Variants in SUCLG2 observed in about 807,000 individuals in gnomAD.
The protein encoded by SUCLG2 is succinate-CoA ligase GDP-forming subunit beta.
SUCLG2 carries 42 observed loss-of-function variants against 47.9 expected under a neutral mutation model. The observed-to-expected ratio is 0.88, with a 90% CI of 0.69 to 1.14. SUCLG2 has a LOEUF of 1.14. SUCLG2 is among the 50% of genes most tolerant of loss of function. The pLI is 0.00. For missense variants in SUCLG2, 571 were observed against 525.9 expected (o/e 1.09, Z -0.84); for synonymous variants, 195 against 197.3 (o/e 0.99, Z 0.10).
intron 9 of SUCLG2, among the ~76,000 whole-genome samples, chr3:67,491,910 G>A (rs984426066): frequency 2.0e-5 from 3 of 152,002 alleles, no homozygotes; most frequent in Non-Finnish European, 4.4e-5. Context: ...CTTTATAAAC[G>A]AGGATACCAA....
chr3:67,495,484 T>C (rs1314913751), intron 9 of SUCLG2, among the ~76,000 whole-genome samples: 1 of 151,936 alleles, frequency 6.6e-6, no homozygotes, highest in African/African-American at 2.4e-5. Flanking sequence ...AAACCCTGTC[T>C]CTATTAAAAA....
intron 7 of SUCLG2, among the ~76,000 whole-genome samples, chr3:67,501,685 A>G (rs1314617208): frequency 6.6e-6 from 1 of 152,136 alleles, no homozygotes; most frequent in Non-Finnish European, 1.5e-5. Context: ...TCCATGCTCC[A>G]GAAAGAATAA....
intron 2 of SUCLG2, among the ~76,000 whole-genome samples, chr3:67,569,609 C>T (rs1266409618): frequency 6.6e-6 from 1 of 152,214 alleles, no homozygotes; most frequent in Admixed American, 6.5e-5. Context: ...CCCAGGATTC[C>T]TTTCTTCCTT....
intron 1 of SUCLG2, among the ~76,000 whole-genome samples, chr3:67,623,268 A>G (rs1293850343): frequency 6.6e-6 from 1 of 152,178 alleles, no homozygotes; most frequent in Admixed American, 6.5e-5. Context: ...TGGGAGGCCA[A>G]AGCGGGTGAA....
intron 9 of SUCLG2, among the ~76,000 whole-genome samples, chr3:67,458,621 C>T (rs1336975720): frequency 1.3e-5 from 2 of 152,136 alleles, no homozygotes; most frequent in African/African-American, 4.8e-5. Context: ...ATTGTTTATA[C>T]AGTGGTTTTC....
At chr3:67,405,630 G>C (rs755521535) in intron 9 of SUCLG2, among the ~76,000 whole-genome samples, 1 of 152,156 alleles carries the variant, frequency 6.6e-6, no homozygotes, top group Non-Finnish European at 1.5e-5. Flanking sequence ...ATAGGGCTAT[G>C]AGTTTCAGAT....
intron 2 of SUCLG2, among the ~76,000 whole-genome samples, chr3:67,559,485 G>T (rs1707250648): frequency 6.6e-6 from 1 of 152,082 alleles, no homozygotes; most frequent in Non-Finnish European, 1.5e-5. Context: ...ATCAGATCTT[G>T]TGAGAACTCA....
chr3:67,461,027 G>A (rs765679155), intron 9 of SUCLG2, among the ~76,000 whole-genome samples: 3 of 152,160 alleles, frequency 2.0e-5, no homozygotes, highest in Non-Finnish European at 4.4e-5. Flanking sequence ...AGTGCCCAGT[G>A]TACTCTCTGA....
chr3:67,409,398 A>C (rs1472338337), intron 9 of SUCLG2, among the ~76,000 whole-genome samples: 2 of 152,146 alleles, frequency 1.3e-5, no homozygotes, highest in Non-Finnish European at 2.9e-5. Flanking sequence ...ATCAATACAG[A>C]TTTTAGATAT....
intron 9 of SUCLG2, among the ~76,000 whole-genome samples, chr3:67,470,322 C>T (rs1292587360): frequency 6.6e-6 from 1 of 152,202 alleles, no homozygotes; most frequent in Non-Finnish European, 1.5e-5. Flanking sequence ...TCAGCCTCTG[C>T]TTTATTCCTC....
intron 1 of SUCLG2, among the ~76,000 whole-genome samples, chr3:67,641,662 A>C (rs1347316199): frequency 6.6e-6 from 1 of 152,204 alleles, no homozygotes; most frequent in Non-Finnish European, 1.5e-5. Flanking sequence ...AAGTTCATTG[A>C]TGTGTGTATT....
chr3:67,615,984 CA>C (rs1289821364), intron 1 of SUCLG2, among the ~76,000 whole-genome samples: 6 of 151,756 alleles, frequency 4.0e-5, no homozygotes, highest in Admixed American at 2.0e-4. Flanking sequence ...TTATCTATGG[CA>C]ACACAGTATC....
At chr3:67,491,380 T>C (rs958367317) in intron 9 of SUCLG2, among the ~76,000 whole-genome samples, 6 of 148,324 alleles carry the variant, frequency 4.0e-5, no homozygotes, top group South Asian at 2.1e-4. Context: ...TTTTTTTTTT[T>C]CCAGACGAAG....
At chr3:67,373,086 T>A (rs75017517), downstream of SUCLG2, among the ~76,000 whole-genome samples, 16,461 of 152,238 alleles carry the variant, frequency 0.11, 1,017 homozygotes, top group Middle Eastern at 0.23. Context: ...CCCCACATTG[T>A]TTCCTTCCCC....
chr3:67,620,507 C>T (rs1407500369), intron 1 of SUCLG2, among the ~76,000 whole-genome samples: 8 of 137,654 alleles, frequency 5.8e-5, no homozygotes, highest in South Asian at 4.5e-4. Flanking sequence ...ACAGCTTGAA[C>T]GCAGGAGGCA....
At chr3:67,437,553 C>T (rs773742932) in intron 9 of SUCLG2, among the ~76,000 whole-genome samples, 1 of 152,066 alleles carries the variant, frequency 6.6e-6, no homozygotes, top group African/African-American at 2.4e-5. Context: ...TAAATTATTA[C>T]AGATGTTCTC....
chr3:67,410,519 C>A lies in SUCLG2; in HGVS notation c.1063-9668G>T, dbSNP rs190527977. On this transcript the variant is annotated intron_variant, in intron 9 of 10. Transcript: ENST00000307227. ...TTTCTATTTTTTTACAGCCATAGTT[C>A]CCGTATCCTTTTGAACTGAGAATCA... 7.2e-5 allele frequency among the ~76,000 whole-genome samples: 11 copies of A among 152,236 alleles called. No individual in the cohort carries two copies. In the East Asian group the frequency reaches 1.9e-3, roughly 27 times the overall value.
chr3:67,618,739 A>G (rs1333851960), intron 1 of SUCLG2, among the ~76,000 whole-genome samples: 1 of 152,228 alleles, frequency 6.6e-6, no homozygotes, highest in Non-Finnish European at 1.5e-5. Context: ...ACTGTTTTCC[A>G]TTTTAAAGTA....
intron 10 of SUCLG2, among the ~76,000 whole-genome samples, chr3:67,365,357 A>T (rs543750018): frequency 9.2e-5 from 14 of 152,312 alleles, no homozygotes; most frequent in Middle Eastern, 3.4e-3. Context: ...TAGGTTATGA[A>T]AGCCACCAGA....
Sources: gnomAD v4.1 joint callset for allele counts (sites outside exome capture counted in the v4.1 genomes callset) on GRCh38, gnomAD v4.1.1 for gene constraint, MANE v1.5 for transcripts, NCBI Gene and HGNC (gene_info 2026-07-23, HGNC 2026-07-21) for gene names.